The following L3MBTL1 variants were observed in gnomAD, a reference collection of about 807,000 sequenced individuals.
The protein encoded by L3MBTL1 is L3MBTL histone methyl-lysine binding protein 1.
A neutral mutation model predicts 105.3 loss-of-function variants in L3MBTL1; 75 were observed. The observed-to-expected ratio is 0.71, with a 90% CI of 0.59 to 0.86. The LOEUF (loss-of-function observed/expected upper bound fraction) is 0.86. Ranked by LOEUF, L3MBTL1 falls within the 40% of genes least tolerant of loss-of-function variation. The probability of loss-of-function intolerance (pLI) is 0.00; values close to 1 mark genes in which losing one functional copy is unlikely to be tolerated. For synonymous variants in L3MBTL1, 452 were observed against 436.2 expected (o/e 1.04, Z -0.45); for missense variants, 1,069 against 1,126.4 (o/e 0.95, Z 0.73).
At position 43,534,414 on chromosome 20, in the gene L3MBTL1, G is replaced by A. The variant is rs1420689911; in HGVS notation, c.1710+20G>A. ...ATAAAGGTGGCTCTGGGACCCTAGGGCTGGGAAGTGGACAGGCCAGTTGGG... is the reference window on the plus strand; with the variant it reads ...ATAAAGGTGGCTCTGGGACCCTAGGACTGGGAAGTGGACAGGCCAGTTGGG... On this transcript the variant is annotated intron_variant, in intron 15 of 21. Transcript: ENST00000418998. The A allele has an allele frequency of 1.9e-6, 3 of 1,600,122 alleles. No individual in the cohort carries two copies. In the Admixed American group the frequency reaches 5.0e-5, roughly 27 times the overall value.
chr20:43,515,053 C>G lies in L3MBTL1; in HGVS notation c.547C>G (p.Pro183Ala). 1.2e-6 allele frequency: 2 copies of G among 1,614,114 alleles called. No individual in the cohort carries two copies. The highest frequency in any genetic ancestry group is 1.7e-6 in the Non-Finnish European group (2 of 1,179,966). The change falls in exon 5 of 22, where the codon CCA becomes GCA. Residue 183 changes from proline to alanine, a missense_variant. By Grantham distance (27) the Pro-to-Ala change is conservative (BLOSUM62 -1). Coordinates refer to ENST00000418998, the MANE Select transcript of L3MBTL1 (RefSeq NM_001377303.1). ...TCCAGAAGATCCCAATCAGGACCCC[C>G]CAGAGGATGATAGCACCTGTCAGTG... ...NPPEDPNQDP[P>A]EDDSTCQCQA...
intron 19 of L3MBTL1, chr20:43,539,736 A>T: frequency 3.9e-6 from 1 of 259,410 alleles, no homozygotes; most frequent in Non-Finnish European, 7.7e-6. Flanking sequence ...GGAAGGACTC[A>T]TGAGAAGAAG....
chr20:43,514,915 G>A, intron 4 of L3MBTL1, 94 bp from the exon 5 acceptor site: 2 of 1,506,118 alleles, frequency 1.3e-6, no homozygotes, highest in East Asian at 2.4e-5. Context: ...TGCGGAGATG[G>A]ACCGAGGCGG....
chr20:43,520,805 T>TA (rs1224875863), intron 7 of L3MBTL1, among the ~76,000 whole-genome samples: 2 of 152,232 alleles, frequency 1.3e-5, no homozygotes. Flanking sequence ...AAGTTGAGAA[T>TA]ATGAGTGTGT....
chr20:43,536,376 T>A (rs775039318), intron 18 of L3MBTL1, 33 bp from the exon 19 acceptor site: 3 of 1,613,782 alleles, frequency 1.9e-6, no homozygotes, highest in Non-Finnish European at 2.5e-6. Context: ...AGACACTGAT[T>A]CCCTGCCATG....
chr20:43,522,028 A>C (rs1366515691), intron 7 of L3MBTL1, among the ~76,000 whole-genome samples: 1 of 152,214 alleles, frequency 6.6e-6, no homozygotes, highest in Non-Finnish European at 1.5e-5. Flanking sequence ...CAGTGTTGCC[A>C]CTTAACATTT....
intron 19 of L3MBTL1, chr20:43,539,643 A>T (rs1442440114): frequency 4.3e-6 from 1 of 230,484 alleles, no homozygotes; most frequent in Non-Finnish European, 8.7e-6. Context: ...GGCAGTGGCC[A>T]GAGGGGTGGT....
chr20:43,519,402 C>T (rs1324057480), intron 7 of L3MBTL1, among the ~76,000 whole-genome samples: 2 of 151,544 alleles, frequency 1.3e-5, no homozygotes, highest in African/African-American at 2.4e-5. Flanking sequence ...TTTGGGAGGC[C>T]GAAGCGGGCA....
At position 43,518,586 on chromosome 20, in the gene L3MBTL1, G is replaced by A. The variant is rs2018526934; in HGVS notation, c.862+2409G>A. Among the ~76,000 whole-genome samples the A allele has an allele frequency of 1.3e-5, 2 of 152,080 alleles. 1 individual carries two copies. Among genetic ancestry groups the A allele is most frequent in the Admixed American group, 1.3e-4 (2 of 15,258 alleles). ...TATTCTGACTGTGTTCACAGTTATA[G>A]TAGTCCCCTTTTATCTGCAGGGAAT... On this transcript the variant is annotated intron_variant, in intron 7 of 21. Coordinates refer to ENST00000418998, the MANE Select transcript of L3MBTL1 (RefSeq NM_001377303.1).
chr20:43,513,866 C>A lies in L3MBTL1; in HGVS notation c.165C>A (p.Ser55Arg). 1 of 1,550,674 alleles carries A rather than the reference C, an allele frequency of 6.4e-7. No individual in the cohort carries two copies. The highest frequency in any genetic ancestry group is 8.7e-7 in the Non-Finnish European group (1 of 1,146,998). The change falls in exon 3 of 22, where the codon AGC (serine) becomes AGA (arginine). Residue 55 changes from serine (S) to arginine (R), a missense_variant. Physicochemically the swap from Ser to Arg is moderately radical, Grantham distance 110 (BLOSUM62 -1). Coordinates refer to ENST00000418998, the MANE Select transcript of L3MBTL1 (RefSeq NM_001377303.1). Reference sequence around the variant, plus strand: ...GTTCGGCCACCCTCGGCCTGCCCAGCAGTGCCCTGGATGTGTCTTGCTTTC... The same window carrying A: ...GTTCGGCCACCCTCGGCCTGCCCAGAAGTGCCCTGGATGTGTCTTGCTTTC... Reference protein sequence around the residue: ...PASSATLGLPSSALDVSCFPR... With the variant: ...PASSATLGLPRSALDVSCFPR...
intron 19 of L3MBTL1, chr20:43,539,479 G>A (rs1401542735): frequency 1.2e-5 from 2 of 162,980 alleles, no homozygotes; most frequent in African/African-American, 4.8e-5. Context: ...GAGGTAGGAG[G>A]TTGGGGCCAG....
intron 13 of L3MBTL1, 21 bp from the exon 14 acceptor site, chr20:43,533,987 T>G (rs367704621): frequency 1.2e-4 from 197 of 1,591,814 alleles, no homozygotes; most frequent in Non-Finnish European, 1.7e-4. Context: ...GGCTAGACAT[T>G]GCTCTCATCC....
At position 43,534,808 on chromosome 20, in the gene L3MBTL1, C is replaced by T; in HGVS notation, c.1711-20C>T. 1 of 1,582,548 alleles carries T rather than the reference C, an allele frequency of 6.3e-7. No individual in the cohort carries two copies. The highest frequency in any genetic ancestry group is 8.6e-7 in the Non-Finnish European group (1 of 1,156,518). On this transcript the variant is annotated intron_variant, in intron 15 of 21. Transcript: ENST00000418998. ...GGCTCCATGAGAAACGCCTGACTTC[C>T]AAGAGCCTTTCCTCCCCAGATCCAC... is the stretch of plus-strand genomic sequence containing the variant.
intron 1 of L3MBTL1, among the ~76,000 whole-genome samples, chr20:43,509,564 G>T (rs753204343): frequency 7.2e-5 from 11 of 152,138 alleles, no homozygotes; most frequent in Non-Finnish European, 1.3e-4. Flanking sequence ...ACACATGCTG[G>T]TCTTCAAATT....
In L3MBTL1 at chr20:43,541,758, G is replaced by A. The variant is rs2019925193; in HGVS notation, c.*630G>A. The A allele has an allele frequency of 1.1e-6, 1 of 913,184 alleles. No homozygotes were observed. Among genetic ancestry groups the A allele is most frequent in the African/African-American group, 1.8e-5 (1 of 55,752 alleles). The allele number at this position is 913,184 out of a possible 1,614,324, so 56.6% of individuals were successfully genotyped here. A position where few individuals can be genotyped will look rare whatever the true frequency, so the allele number is the denominator to read the frequency against. ...TAAATGTGGAATCATTGACAGAAAT[G>A]TCTTTATGTAGCATATGGCTGTGTA... On this transcript the variant is annotated 3_prime_UTR_variant, in exon 22 of 22. Coordinates refer to ENST00000418998, the MANE Select transcript of L3MBTL1 (RefSeq NM_001377303.1).
chr20:43,549,382 A>C (rs951612337), exon 19 of L3MBTL1: 3 of 152,262 alleles, frequency 2.0e-5, no homozygotes, highest in Non-Finnish European at 4.4e-5. Context: ...TACAAAGACG[A>C]CTTGAAGTTG....
chr20:43,533,510 C>T, intron 13 of L3MBTL1, 92 bp downstream of exon 13: 1 of 1,062,820 alleles, frequency 9.4e-7, no homozygotes, highest in East Asian at 2.4e-5. Context: ...CAGTAGCTGG[C>T]TCTCTAGGGT....
intron 20 of L3MBTL1, 143 bp from the exon 21 acceptor site, chr20:43,540,610 A>G (rs1462853263): frequency 8.6e-6 from 7 of 813,628 alleles, no homozygotes; most frequent in Non-Finnish European, 1.3e-5. Context: ...CACATCTGCC[A>G]GCATAGAAAC....
chr20:43,514,354 G>A (rs777310445), intron 3 of L3MBTL1: 5 of 1,263,596 alleles, frequency 4.0e-6, no homozygotes, highest in South Asian at 1.6e-5. Context: ...TAGTTTGGGG[G>A]CGTGGCTTAG....
Sources: allele counts gnomAD v4.1 joint callset (sites outside exome capture counted in the v4.1 genomes callset), GRCh38; gene constraint gnomAD v4.1.1; transcripts MANE v1.5; gene names NCBI Gene and HGNC (gene_info 2026-07-23, HGNC 2026-07-21).